The following SFXN5 variants were observed in gnomAD, a reference collection of about 807,000 sequenced individuals.
The protein encoded by SFXN5 is sideroflexin-5.
Under a neutral mutation model 50.2 loss-of-function variants are expected in SFXN5, and 43 were observed. That is an observed-to-expected ratio of 0.86 (90% CI 0.67 to 1.11). SFXN5 has a LOEUF of 1.11. Ranked by LOEUF, SFXN5 falls within the 50% of genes least tolerant of loss-of-function variation. SFXN5 has a pLI of 0.00. For missense variants in SFXN5, 463 were observed against 454.1 expected, an observed-to-expected ratio of 1.02 and a Z score of -0.18; for synonymous variants, 203 against 185.8, an observed-to-expected ratio of 1.09 and a Z score of -0.75.
chr2:73,015,482 T>G (rs1432953928), intron 6 of SFXN5, among the ~76,000 whole-genome samples: 1 of 152,144 alleles, frequency 6.6e-6, no homozygotes, highest in Non-Finnish European at 1.5e-5. Flanking sequence ...TTTTCCTCTC[T>G]CTTTTTTGTT....
chr2:73,006,042 C>T (rs1039537227), intron 6 of SFXN5, among the ~76,000 whole-genome samples: 9 of 152,156 alleles, frequency 5.9e-5, no homozygotes, highest in Non-Finnish European at 1.2e-4. Flanking sequence ...GCTTGGTCAT[C>T]TAACTTGCTC....
At chr2:73,041,574 C>T in intron 2 of SFXN5, 1 of 373,544 alleles carries the variant, frequency 2.7e-6, no homozygotes, top group Middle Eastern at 4.2e-4. Flanking sequence ...CCTGTAATCC[C>T]AGCTACTCAG....
At chr2:72,971,931 C>G (rs1234094050) in intron 10 of SFXN5, among the ~76,000 whole-genome samples, 1 of 152,176 alleles carries the variant, frequency 6.6e-6, no homozygotes, top group Non-Finnish European at 1.5e-5. Flanking sequence ...CCCGTTCTGG[C>G]CTCAGAGAGC....
intron 10 of SFXN5, among the ~76,000 whole-genome samples, chr2:72,987,755 C>T: frequency 6.6e-6 from 1 of 151,512 alleles, no homozygotes; most frequent in East Asian, 1.9e-4. Flanking sequence ...AACTCTGACT[C>T]AAAGAAAAAC....
intron 3 of SFXN5, among the ~76,000 whole-genome samples, chr2:73,034,767 C>A (rs1252624522): frequency 1.3e-5 from 2 of 152,214 alleles, no homozygotes; most frequent in African/African-American, 4.8e-5. Context: ...CTGGCACTGC[C>A]ACTGACTGAT....
chr2:72,981,891 T>C (rs925706511), intron 10 of SFXN5, among the ~76,000 whole-genome samples: 12 of 152,146 alleles, frequency 7.9e-5, no homozygotes, highest in African/African-American at 2.9e-4. Context: ...GTAGAGGTGA[T>C]GGAAGGTGAT....
At chr2:73,058,383 A>C in intron 2 of SFXN5, 145 bp downstream of exon 2, 1 of 672,768 alleles carries the variant, frequency 1.5e-6, no homozygotes, top group Non-Finnish European at 2.6e-6. Flanking sequence ...AGCTACAGGT[A>C]GAGAGAATTT....
chr2:73,046,530 A>T (rs1311931974), intron 2 of SFXN5, among the ~76,000 whole-genome samples: 2 of 152,100 alleles, frequency 1.3e-5, no homozygotes, highest in Non-Finnish European at 2.9e-5. Context: ...ACAAAACTTG[A>T]TTTTTAAAAA....
rs1674745427 is a variant in SFXN5, at chr2:72,968,521, T to C, written c.754A>G (p.Thr252Ala). The C allele has an allele frequency of 1.9e-6, 3 of 1,613,170 alleles. No individual in the cohort carries two copies. The highest frequency in any genetic ancestry group is 1.8e-4 in the Middle Eastern group (1 of 5,532). ...KIAARHALLE[T>A]ALTRVVLPMP... ...GGCAGGACCACTCGCGTCAGCGCCG[T>C]CTCCAGCAGGGCCTGAGGGGCAGGC... The change falls in exon 12 of 14, where the codon ACG (threonine) becomes GCG (alanine). Residue 252 changes from threonine (T) to alanine (A), a missense_variant. Thr to Ala is a moderately conservative substitution (Grantham distance 58). Transcript: ENST00000272433.
At chr2:73,020,583 G>A (rs1574138020) in intron 5 of SFXN5, among the ~76,000 whole-genome samples, 1 of 152,148 alleles carries the variant, frequency 6.6e-6, no homozygotes, top group East Asian at 1.9e-4. Context: ...ATCCTCCTAC[G>A]ATTTCCTGCG....
At chr2:72,958,892 A>G (rs1231425642) in intron 13 of SFXN5, among the ~76,000 whole-genome samples, 4 of 152,056 alleles carry the variant, frequency 2.6e-5, no homozygotes, top group Non-Finnish European at 5.9e-5. Context: ...GGTGTCCCCC[A>G]AGACAGGAGC....
At chr2:73,020,529 C>T (rs1402974374) in intron 5 of SFXN5, among the ~76,000 whole-genome samples, 1 of 152,196 alleles carries the variant, frequency 6.6e-6, no homozygotes, top group Non-Finnish European at 1.5e-5. Context: ...TTCCTGCAGG[C>T]AGGGCTGCCT....
intron 10 of SFXN5, among the ~76,000 whole-genome samples, chr2:72,981,965 T>TTGTGTG (rs10582006): frequency 0.039 from 5,637 of 145,656 alleles, 346 homozygotes; most frequent in African/African-American, 0.13. Context: ...CACTGGAACT[T>TTGTGTG]TGTGTGTGTG....
At chr2:73,047,300 A>ATAT (rs1559200169) in intron 2 of SFXN5, among the ~76,000 whole-genome samples, 2 of 103,854 alleles carry the variant, frequency 1.9e-5, no homozygotes, top group Non-Finnish European at 3.7e-5. Flanking sequence ...ATATATATAA[A>ATAT]ATATATATGT....
At chr2:72,984,871 C>T (rs542264509) in intron 10 of SFXN5, among the ~76,000 whole-genome samples, 1 of 152,104 alleles carries the variant, frequency 6.6e-6, no homozygotes, top group South Asian at 2.1e-4. Flanking sequence ...CACTCTTAGG[C>T]AGTGTGTAGC....
At chr2:73,035,493 C>CTTTTT (rs761321478) in intron 3 of SFXN5, among the ~76,000 whole-genome samples, 19 of 101,846 alleles carry the variant, frequency 1.9e-4, no homozygotes, top group South Asian at 3.2e-4. Context: ...GTATCGCAAT[C>CTTTTT]TTTTTTTTTT....
At chr2:73,001,614 G>A (rs777559302) in intron 6 of SFXN5, 36 bp from the exon 7 acceptor site, 9 of 1,606,668 alleles carry the variant, frequency 5.6e-6, no homozygotes, top group Admixed American at 1.7e-5. Flanking sequence ...GAAAAAGGCA[G>A]AAGAAACATC....
intron 3 of SFXN5, among the ~76,000 whole-genome samples, chr2:73,028,848 G>A (rs1023658640): frequency 6.6e-6 from 1 of 152,178 alleles, no homozygotes; most frequent in African/African-American, 2.4e-5. Flanking sequence ...AGAAAGACAT[G>A]AAAGAGGAAC....
At chr2:72,985,185 C>G (rs953453631) in intron 10 of SFXN5, among the ~76,000 whole-genome samples, 3 of 152,184 alleles carry the variant, frequency 2.0e-5, no homozygotes, top group Non-Finnish European at 4.4e-5. Context: ...CTGCAAGCAG[C>G]CTAAAGGGAC....
Sources: gnomAD v4.1 joint callset for allele counts (sites outside exome capture counted in the v4.1 genomes callset) on GRCh38, gnomAD v4.1.1 for gene constraint, MANE v1.5 for transcripts, NCBI Gene and HGNC (gene_info 2026-07-23, HGNC 2026-07-21) for gene names.